DLGAP1: variants seen among roughly 807,000 people sequenced by gnomAD.
The protein encoded by DLGAP1 is DLG associated protein 1.
In DLGAP1, 11 loss-of-function variants were observed where a neutral mutation model predicts 90.8. The ratio of observed to expected loss-of-function variants is 0.12; its 90% confidence interval spans 0.08 to 0.20. The LOEUF (loss-of-function observed/expected upper bound fraction) is 0.20, where lower values mean the gene tolerates loss of function less well. Among genes scored for constraint, DLGAP1 ranks in the 10% least tolerant of loss-of-function variants. The pLI is 1.00. For synonymous variants in DLGAP1, 558 were observed against 540.7 expected (o/e 1.03, Z -0.44); for missense variants, 1,050 against 1,333.8 (o/e 0.79, Z 3.31).
Position 3,729,159 on chromosome 18 carries a change from CGGT to C in DLGAP1, c.1564_1566del (p.Thr522del), listed in dbSNP as rs560690735. The C allele has an allele frequency of 2.4e-4, 395 of 1,612,764 alleles. No individual in the cohort carries two copies. Among genetic ancestry groups the C allele is most frequent in the South Asian group, 1.7e-3 (155 of 90,898 alleles). ...CCCGTGCTGCTCTGGATGGTCCTAA[CGGT>C]GGTGGTGGTGCGCGGCGGCGAGGAC... On this transcript the variant is annotated inframe_deletion, in exon 7 of 13. Coordinates refer to ENST00000315677, the MANE Select transcript of DLGAP1 (RefSeq NM_004746.4). The surrounding 1 kb of genome is among the most constrained non-coding windows in gnomAD (Gnocchi z 6.2).
intron 2 of DLGAP1, among the ~76,000 whole-genome samples, chr18:4,078,946 C>T (rs9303942): frequency 0.87 from 131,881 of 152,176 alleles, 57,601 homozygotes; most frequent in African/African-American, 0.96. Context: ...CCACAGTTTA[C>T]ATTCCCAAAC....
At chr18:4,187,688 GTTAAATAATATT>G (rs2077322745) in intron 1 of DLGAP1, among the ~76,000 whole-genome samples, 1 of 152,124 alleles carries the variant, frequency 6.6e-6, no homozygotes, top group African/African-American at 2.4e-5. Context: ...AATGTGGGTT[GTTAAATAATATT>G]TTAAATTAAA....
intron 6 of DLGAP1, among the ~76,000 whole-genome samples, chr18:3,740,024 G>A (rs1266812181): frequency 6.6e-6 from 1 of 152,178 alleles, no homozygotes; most frequent in African/African-American, 2.4e-5. Context: ...GGTCAAATGT[G>A]CAGCCAGGGA....
chr18:4,194,338 T>C (rs574382036), intron 1 of DLGAP1, among the ~76,000 whole-genome samples: 65 of 152,324 alleles, frequency 4.3e-4, no homozygotes, highest in Middle Eastern at 3.4e-3. Context: ...AATTTTGAAA[T>C]ATCTCTTGGT....
At chr18:3,551,722 C>CCCTTCCTTCCTTCCTTCCTT (rs1156785378) in intron 9 of DLGAP1, among the ~76,000 whole-genome samples, 26 of 12,536 alleles carry the variant, frequency 2.1e-3, no homozygotes, top group African/African-American at 3.5e-3. Flanking sequence ...CTCCCTCCCT[C>CCCTTCCTTCCTTCCTTCCTT]CCTTCCTTCC....
chr18:4,443,460 A>G (rs1850544057), intron 1 of DLGAP1, among the ~76,000 whole-genome samples: 1 of 152,184 alleles, frequency 6.6e-6, no homozygotes, highest in Non-Finnish European at 1.5e-5. Context: ...GTTAAAATTT[A>G]GAATTCATTT....
chr18:4,070,246 G>A (rs2143451246), intron 2 of DLGAP1, among the ~76,000 whole-genome samples: 1 of 152,208 alleles, frequency 6.6e-6, no homozygotes, highest in African/African-American at 2.4e-5. Flanking sequence ...GCCTCCCAAA[G>A]TGCTGGGATT....
At chr18:4,396,195 A>G (rs2082436174) in intron 1 of DLGAP1, among the ~76,000 whole-genome samples, 1 of 152,236 alleles carries the variant, frequency 6.6e-6, no homozygotes, top group African/African-American at 2.4e-5. Flanking sequence ...AGAAAAGTGT[A>G]AAGAAAGGCA....
At chr18:4,202,361 G>A (rs1257258207) in intron 1 of DLGAP1, among the ~76,000 whole-genome samples, 2 of 152,108 alleles carry the variant, frequency 1.3e-5, no homozygotes, top group Non-Finnish European at 2.9e-5. Context: ...GAATGAGGAA[G>A]GGAGATTCCA....
chr18:4,150,265 C>A (rs1471738934), intron 2 of DLGAP1, among the ~76,000 whole-genome samples: 3 of 152,198 alleles, frequency 2.0e-5, no homozygotes, highest in African/African-American at 4.8e-5. Context: ...GATCTGACAC[C>A]ACTTCTGTAG....
At chr18:4,102,334 G>A (rs1029453076) in intron 2 of DLGAP1, among the ~76,000 whole-genome samples, 57 of 152,130 alleles carry the variant, frequency 3.7e-4, no homozygotes, top group African/African-American at 1.3e-3. Context: ...TCATACTCAG[G>A]ATTCGAGGTG....
intron 11 of DLGAP1, among the ~76,000 whole-genome samples, chr18:3,506,406 G>A (rs1338911883): frequency 3.3e-5 from 5 of 151,546 alleles, no homozygotes; most frequent in South Asian, 4.2e-4. Context: ...CCAGCTACTC[G>A]GGAGGGTGAG....
At chr18:4,015,533 C>T (rs971513099) in intron 2 of DLGAP1, among the ~76,000 whole-genome samples, 2 of 152,156 alleles carry the variant, frequency 1.3e-5, no homozygotes, top group Non-Finnish European at 2.9e-5. Context: ...TTGAGTTGGA[C>T]TTGGTCATTA....
chr18:3,720,914 C>T (rs2061957473), intron 7 of DLGAP1, among the ~76,000 whole-genome samples: 1 of 62,012 alleles, frequency 1.6e-5, no homozygotes, highest in Admixed American at 1.7e-4. Context: ...AAAAAATTAG[C>T]TGGGCCTGGT....
intron 1 of DLGAP1, chr18:4,275,237 C>A (rs906328640): frequency 6.6e-6 from 1 of 152,178 alleles, no homozygotes; most frequent in Admixed American, 6.5e-5. Flanking sequence ...TCCACTCCAG[C>A]CACACTGGCT....
chr18:3,842,583 GTT>G (rs113749275), intron 4 of DLGAP1, among the ~76,000 whole-genome samples: 1 of 142,916 alleles, frequency 7.0e-6, no homozygotes, highest in Admixed American at 7.0e-5. Flanking sequence ...AAGATTTGGT[GTT>G]TTTTTTTTTT....
intron 1 of DLGAP1, among the ~76,000 whole-genome samples, chr18:4,323,542 T>G (rs1405184997): frequency 6.6e-6 from 1 of 152,192 alleles, no homozygotes; most frequent in Non-Finnish European, 1.5e-5. Flanking sequence ...TCAACTTTAT[T>G]GTCCATGAAC....
chr18:3,725,771 C>T (rs574533377), intron 7 of DLGAP1, among the ~76,000 whole-genome samples: 63 of 152,212 alleles, frequency 4.1e-4, no homozygotes, highest in African/African-American at 6.7e-4. Context: ...CTTTAAGTTC[C>T]GTAACTTCAT....
intron 5 of DLGAP1, among the ~76,000 whole-genome samples, chr18:3,773,966 C>T (rs1026484483): frequency 2.6e-5 from 4 of 152,184 alleles, no homozygotes; most frequent in Admixed American, 6.5e-5. Flanking sequence ...ACTTCTTTGC[C>T]TTGTCTTCTA....
Sources: gnomAD v4.1 joint callset for allele counts (sites outside exome capture counted in the v4.1 genomes callset) on GRCh38, gnomAD v4.1.1 for gene constraint, Gnocchi (gnomAD v3.1) non-coding constraint, MANE v1.5 for transcripts, NCBI Gene and HGNC (gene_info 2026-07-23, HGNC 2026-07-21) for gene names.